CAPZA1: variants seen among roughly 807,000 people sequenced by gnomAD.
CAPZA1 encodes capping actin protein of muscle Z-line subunit alpha 1.
CAPZA1 carries 10 observed loss-of-function variants against 40.8 expected under a neutral mutation model. The ratio of observed to expected loss-of-function variants is 0.25; its 90% CI spans 0.15 to 0.42. CAPZA1 has a LOEUF of 0.42. CAPZA1 is among the 10% of genes least tolerant of loss of function. The probability of loss-of-function intolerance (pLI) is 1.00; values close to 1 mark genes in which losing one functional copy is unlikely to be tolerated. For missense variants in CAPZA1, 277 were observed against 353.8 expected (o/e 0.78, Z 1.74); for synonymous variants, 98 against 115.0 (o/e 0.85, Z 0.95).
At chr1:112,622,213 G>A (rs1018077270) in intron 1 of CAPZA1, among the ~76,000 whole-genome samples, 1 of 152,046 alleles carries the variant, frequency 6.6e-6, no homozygotes, top group Non-Finnish European at 1.5e-5. Flanking sequence ...TGGACTCTTA[G>A]TTTCCTTGTA....
chr1:112,636,106 T>C (rs887633174), intron 1 of CAPZA1, among the ~76,000 whole-genome samples: 1 of 152,184 alleles, frequency 6.6e-6, no homozygotes, highest in African/African-American at 2.4e-5. Flanking sequence ...ATTAAAAGAT[T>C]ATCTAATAAG....
In CAPZA1 at chr1:112,670,655, ATCTCATAACTAATTT is replaced by A. The variant is rs1349310543; in HGVS notation, c.*527_*541del. On this transcript the variant is annotated 3_prime_UTR_variant, in exon 10 of 10. Coordinates refer to ENST00000263168, the MANE Select transcript of CAPZA1 (RefSeq NM_006135.3). ...GACTGCTTTGATCATCATTTATTGCATCTCATAACTAATTTTCTAAAGTTTGGATTGGGACTTTTC... is the reference window on the plus strand; with the variant it reads ...GACTGCTTTGATCATCATTTATTGCATCTAAAGTTTGGATTGGGACTTTTC... 6.6e-6 allele frequency: 1 copy of A among 152,612 alleles called. No homozygotes were observed. Among genetic ancestry groups the A allele is most frequent in the African/African-American group, 2.4e-5 (1 of 41,438 alleles). The allele number at this position is 152,612 out of a possible 1,614,324, so 9.5% of individuals were successfully genotyped here. A position where few individuals can be genotyped will look rare whatever the true frequency, so the allele number is the denominator to read the frequency against.
chr1:112,636,313 A>G (rs902908002), intron 1 of CAPZA1, among the ~76,000 whole-genome samples: 8 of 152,314 alleles, frequency 5.3e-5, no homozygotes, highest in Admixed American at 6.5e-5. Flanking sequence ...TTGGTTTATT[A>G]TTATTTCCCC....
chr1:112,656,276 A>G (rs1002858643), intron 5 of CAPZA1, among the ~76,000 whole-genome samples: 6 of 152,136 alleles, frequency 3.9e-5, no homozygotes, highest in Non-Finnish European at 5.9e-5. Flanking sequence ...CTGTGCCTCA[A>G]TTCTTTGACT....
chr1:112,645,524 C>T (rs1671262558), intron 1 of CAPZA1, among the ~76,000 whole-genome samples: 1 of 151,940 alleles, frequency 6.6e-6, no homozygotes. Context: ...GTCTTAGCTA[C>T]TTGAGAGCTT....
At chr1:112,623,649 C>A (rs1294924239) in intron 1 of CAPZA1, among the ~76,000 whole-genome samples, 4 of 150,654 alleles carry the variant, frequency 2.7e-5, no homozygotes, top group Non-Finnish European at 4.4e-5. Flanking sequence ...CCATTGCACT[C>A]CAGCCTGGGC....
chr1:112,656,546 T>TA (rs1671504273), intron 5 of CAPZA1, among the ~76,000 whole-genome samples: 1 of 142,210 alleles, frequency 7.0e-6, no homozygotes, highest in African/African-American at 2.6e-5. Flanking sequence ...GGAGACATGA[T>TA]AGACTCCCAT....
intron 5 of CAPZA1, among the ~76,000 whole-genome samples, chr1:112,656,466 T>TTTTTC (rs1553180448): frequency 0.024 from 2,286 of 94,346 alleles, 524 homozygotes; most frequent in African/African-American, 0.074. Flanking sequence ...TTTTTTTTTT[T>TTTTTC]AATGAGAATA....
At chr1:112,654,437 A>G (rs761178125) in intron 4 of CAPZA1, 28 bp from the exon 5 acceptor site, 2 of 1,452,454 alleles carry the variant, frequency 1.4e-6, no homozygotes, top group Non-Finnish European at 1.9e-6. Flanking sequence ...TTTTACAGTT[A>G]CTCATATGTT....
At chr1:112,646,933 A>G (rs1267794053) in intron 1 of CAPZA1, 2 of 244,226 alleles carry the variant, frequency 8.2e-6, no homozygotes, top group African/African-American at 4.5e-5. Context: ...CTTTTTGTGA[A>G]TGTAATGTAT....
At chr1:112,630,028 T>C (rs371427444) in intron 1 of CAPZA1, among the ~76,000 whole-genome samples, 4 of 152,114 alleles carry the variant, frequency 2.6e-5, no homozygotes, top group African/African-American at 7.2e-5. Flanking sequence ...TGCTTAGAAT[T>C]ATAGTTGTTT....
At chr1:112,631,984 C>T (rs1465037179) in intron 1 of CAPZA1, among the ~76,000 whole-genome samples, 1 of 152,150 alleles carries the variant, frequency 6.6e-6, no homozygotes, top group Non-Finnish European at 1.5e-5. Flanking sequence ...TATTCTAATG[C>T]ATGTTAAAAC....
intron 9 of CAPZA1, 29 bp from the exon 10 acceptor site, chr1:112,669,963 A>C (rs1412882106): frequency 6.2e-7 from 1 of 1,613,164 alleles, no homozygotes; most frequent in Non-Finnish European, 8.5e-7. Context: ...TTTCTGTTCA[A>C]GCAACTCATC....
chr1:112,657,863 G>T (rs1321176230), intron 5 of CAPZA1, among the ~76,000 whole-genome samples: 1 of 152,120 alleles, frequency 6.6e-6, no homozygotes, highest in Non-Finnish European at 1.5e-5. Context: ...AAGTGCTGGG[G>T]TTACAGGCTT....
intron 1 of CAPZA1, among the ~76,000 whole-genome samples, chr1:112,644,128 A>G (rs1570712676): frequency 7.5e-6 from 1 of 132,614 alleles, no homozygotes; most frequent in African/African-American, 2.9e-5. Context: ...TACAGGCGTG[A>G]TCTACCACAC....
chr1:112,658,080 T>C (rs763979668), intron 5 of CAPZA1, among the ~76,000 whole-genome samples: 5 of 152,226 alleles, frequency 3.3e-5, no homozygotes, highest in African/African-American at 4.8e-5. Flanking sequence ...CTTTGTGAAC[T>C]TCAACTTCTT....
intron 3 of CAPZA1, among the ~76,000 whole-genome samples, chr1:112,653,096 G>A (rs543399749): frequency 7.9e-5 from 12 of 152,286 alleles, no homozygotes; most frequent in Middle Eastern, 3.4e-3. Flanking sequence ...TATCAATGGA[G>A]GATTCTTTTG....
At chr1:112,619,983 GCTT>G in intron 1 of CAPZA1, 100 bp downstream of exon 1, 1 of 976,680 alleles carries the variant, frequency 1.0e-6, no homozygotes, top group Admixed American at 2.3e-5. Context: ...GGAAAAAGAA[GCTT>G]CTTGGTCCAT....
chr1:112,667,184 T>C (rs1042152162), intron 8 of CAPZA1, 39 bp downstream of exon 8: 9 of 1,403,938 alleles, frequency 6.4e-6, no homozygotes, highest in Non-Finnish European at 8.9e-6. Flanking sequence ...TACTCATGTC[T>C]CGTTTTTCTT....
Sources: gnomAD v4.1 joint callset for allele counts (sites outside exome capture counted in the v4.1 genomes callset) on GRCh38, gnomAD v4.1.1 for gene constraint, MANE v1.5 for transcripts, NCBI Gene and HGNC (gene_info 2026-07-23, HGNC 2026-07-21) for gene names.